USH2A: variants seen among roughly 807,000 people sequenced by gnomAD.
USH2A encodes Usher syndrome 2A (autosomal recessive, mild).
In USH2A, 443 loss-of-function variants were observed where a neutral mutation model predicts 538.9. That is an observed-to-expected ratio of 0.82 (90% confidence interval 0.76 to 0.89). The LOEUF (loss-of-function observed/expected upper bound fraction) is 0.89. Among genes scored for constraint, USH2A ranks in the 40% least tolerant of loss-of-function variants. The pLI, the probability that USH2A is intolerant of heterozygous loss-of-function variation, is 0.00. For synonymous variants in USH2A, 2,413 were observed against 2,273.5 expected, an observed-to-expected ratio of 1.06 and a Z score of -1.75; for missense variants, 6,633 against 6,324.8, an observed-to-expected ratio of 1.05 and a Z score of -1.65.
chr1:216,322,556 A>G (rs1307806247), intron 8 of USH2A, among the ~76,000 whole-genome samples: 6 of 150,666 alleles, frequency 4.0e-5, no homozygotes, highest in Non-Finnish European at 8.9e-5. Flanking sequence ...GCAACGAGCC[A>G]TGATCATGCC....
chr1:215,845,208 G>A (rs183209114), intron 45 of USH2A, among the ~76,000 whole-genome samples: 41 of 152,210 alleles, frequency 2.7e-4, no homozygotes, highest in Admixed American at 2.6e-3. Flanking sequence ...GCACCACAAA[G>A]GGAAATGGGT....
intron 47 of USH2A, among the ~76,000 whole-genome samples, chr1:215,835,189 A>AAAAAAAC (rs1663441496): frequency 7.4e-6 from 1 of 136,008 alleles, no homozygotes; most frequent in African/African-American, 2.6e-5. Flanking sequence ...AAAAAAAAAA[A>AAAAAAAC]GCTGACTAAA....
At chr1:216,068,270 G>A (rs976997623) in intron 30 of USH2A, among the ~76,000 whole-genome samples, 1 of 152,112 alleles carries the variant, frequency 6.6e-6, no homozygotes, top group Non-Finnish European at 1.5e-5. Context: ...GAGGAGAGAG[G>A]GAGCAATAGC....
chr1:216,118,729 G>T (rs898027662), intron 21 of USH2A, among the ~76,000 whole-genome samples: 7 of 152,158 alleles, frequency 4.6e-5, no homozygotes, highest in Non-Finnish European at 1.0e-4. Context: ...AACAATTCCT[G>T]ATCTACAAAC....
intron 32 of USH2A, among the ~76,000 whole-genome samples, chr1:216,020,998 T>A (rs1330092558): frequency 1.3e-5 from 2 of 152,128 alleles, no homozygotes; most frequent in Admixed American, 6.6e-5. Context: ...ACTCAATACT[T>A]GTGCCTGGCC....
At chr1:215,693,204 C>T (rs994716296) in intron 61 of USH2A, among the ~76,000 whole-genome samples, 6 of 151,262 alleles carry the variant, frequency 4.0e-5, no homozygotes, top group East Asian at 2.0e-4. Flanking sequence ...TGGTCTTGAA[C>T]TCCTGGGCTG....
At chr1:216,139,698 T>C (rs1395395065) in intron 21 of USH2A, among the ~76,000 whole-genome samples, 2 of 152,206 alleles carry the variant, frequency 1.3e-5, no homozygotes, top group African/African-American at 2.4e-5. Context: ...GATGATATGA[T>C]CCTGCTGTTC....
chr1:215,837,444 T>C (rs2185316), intron 47 of USH2A, among the ~76,000 whole-genome samples: 101,864 of 151,968 alleles, frequency 0.67, 34,828 homozygotes, highest in African/African-American at 0.8. Flanking sequence ...TTATTGTTGT[T>C]GTTACTAATT....
intron 36 of USH2A, among the ~76,000 whole-genome samples, chr1:215,965,881 T>C (rs186384405): frequency 6.6e-6 from 1 of 151,514 alleles, no homozygotes; most frequent in East Asian, 1.9e-4. Flanking sequence ...CTGGCCTCTG[T>C]CAAAAAGCTA....
chr1:216,144,339 G>GT (rs1424856397), intron 21 of USH2A, among the ~76,000 whole-genome samples: 1 of 151,806 alleles, frequency 6.6e-6, no homozygotes, highest in African/African-American at 2.4e-5. Flanking sequence ...GGACTGCAGG[G>GT]TTTTTTGCTT....
At chr1:215,938,755 C>T (rs1666565651) in intron 37 of USH2A, among the ~76,000 whole-genome samples, 1 of 152,106 alleles carries the variant, frequency 6.6e-6, no homozygotes, top group Non-Finnish European at 1.5e-5. Context: ...CCTCCTCCAC[C>T]CTCTGTGGCT....
At chr1:215,982,316 C>A (rs1377132881) in intron 35 of USH2A, among the ~76,000 whole-genome samples, 1 of 152,196 alleles carries the variant, frequency 6.6e-6, no homozygotes, top group Non-Finnish European at 1.5e-5. Context: ...ATAGAAGGGA[C>A]ACACACAGAA....
intron 67 of USH2A, among the ~76,000 whole-genome samples, chr1:215,642,843 C>A (rs2102638113): frequency 6.6e-6 from 1 of 152,202 alleles, no homozygotes; most frequent in East Asian, 1.9e-4. Flanking sequence ...CTCAAGCAGG[C>A]CAGCTGTTAA....
In USH2A at chr1:215,686,692, G is replaced by GTA. The variant is rs566549226; in HGVS notation, c.12067-6318_12067-6317dup. ...AACTTTTAAATTTCACCCTATCGTG[G>GTA]TATAGATCATGGTCAGTGACTAATG... On this transcript the variant is annotated intron_variant, in intron 61 of 71. Coordinates refer to ENST00000307340, the MANE Select transcript of USH2A (RefSeq NM_206933.4). Among the ~76,000 whole-genome samples the GTA allele has an allele frequency of 9.2e-5, 14 of 152,144 alleles. No homozygotes were observed. The South Asian group carries it at 2.3e-3, about 25-fold the overall frequency.
chr1:216,288,299 T>G (rs761593778), intron 11 of USH2A, among the ~76,000 whole-genome samples: 14 of 152,096 alleles, frequency 9.2e-5, no homozygotes, highest in Non-Finnish European at 1.6e-4. Flanking sequence ...GAAATTGTCT[T>G]TATTAATAAT....
intron 70 of USH2A, among the ~76,000 whole-genome samples, chr1:215,633,825 C>G (rs1656388424): frequency 1.3e-5 from 2 of 152,126 alleles, no homozygotes; most frequent in South Asian, 4.1e-4. Flanking sequence ...AATGAGTGCT[C>G]TGGGCAATGA....
chr1:216,223,761 A>G (rs2035506645), intron 14 of USH2A, among the ~76,000 whole-genome samples: 2 of 152,190 alleles, frequency 1.3e-5, no homozygotes, highest in African/African-American at 4.8e-5. Flanking sequence ...TTTTTCCATT[A>G]TCACACCATA....
At chr1:216,279,710 C>T (rs898223602) in intron 11 of USH2A, among the ~76,000 whole-genome samples, 6 of 152,118 alleles carry the variant, frequency 3.9e-5, no homozygotes, top group African/African-American at 1.4e-4. Context: ...ACCCCCATGG[C>T]TTCCTCAGCT....
intron 15 of USH2A, among the ~76,000 whole-genome samples, chr1:216,210,845 G>T (rs1221880600): frequency 1.3e-5 from 2 of 152,112 alleles, no homozygotes; most frequent in African/African-American, 4.8e-5. Flanking sequence ...GCTGGGCATG[G>T]TGGCACACAC....
Sources: allele counts gnomAD v4.1 joint callset (sites outside exome capture counted in the v4.1 genomes callset), GRCh38; gene constraint gnomAD v4.1.1; transcripts MANE v1.5; gene names NCBI Gene and HGNC (gene_info 2026-07-23, HGNC 2026-07-21).